PHEX: variants seen among roughly 807,000 people sequenced by gnomAD.
PHEX encodes phosphate regulating endopeptidase X-linked, also known as phosphate-regulating neutral endopeptidase PHEX.
A neutral mutation model predicts 68.0 loss-of-function variants in PHEX; 16 were observed. That is an observed-to-expected ratio of 0.24 (90% CI 0.16 to 0.36). The LOEUF (loss-of-function observed/expected upper bound fraction) is 0.36, where lower values mean the gene tolerates loss of function less well. Ranked by LOEUF, PHEX falls within the 10% of genes least tolerant of loss-of-function variation. The pLI, the probability that PHEX is intolerant of heterozygous loss-of-function variation, is 1.00. For missense variants in PHEX, 480 were observed against 575.5 expected (o/e 0.83, Z 1.70); for synonymous variants, 208 against 205.1 (o/e 1.01, Z -0.12).
chrX:22,173,218 A>T (rs1251649971), intron 13 of PHEX, among the ~76,000 whole-genome samples: 1 of 112,455 alleles, frequency 8.9e-6, no homozygotes, highest in Non-Finnish European at 1.9e-5. Flanking sequence ...ATGGCACTGG[A>T]GAGCTAAGGG....
chrX:22,104,393 G>A (rs1442840480), intron 9 of PHEX, among the ~76,000 whole-genome samples: 1 of 109,862 alleles, frequency 9.1e-6, no homozygotes, highest in Non-Finnish European at 1.9e-5. Flanking sequence ...AGGGACCCTT[G>A]GAGGAATGAG....
chrX:22,112,176 TGC>T (rs1931001473), intron 10 of PHEX, among the ~76,000 whole-genome samples: 2 of 111,107 alleles, frequency 1.8e-5, no homozygotes, highest in Non-Finnish European at 3.8e-5. Flanking sequence ...GATGGGGTCT[TGC>T]CATGTTGCCC....
intron 2 of PHEX, 72 bp from the exon 3 acceptor site, chrX:22,046,978 G>A (rs1305708418): frequency 1.1e-6 from 1 of 923,332 alleles, no homozygotes; most frequent in African/African-American, 1.9e-5. Context: ...TGGAATTGTT[G>A]TTTAATTTGG....
chrX:22,078,784 T>C (rs1214046069), intron 5 of PHEX, among the ~76,000 whole-genome samples: 1 of 112,010 alleles, frequency 8.9e-6, no homozygotes, highest in African/African-American at 3.2e-5. Flanking sequence ...TATGGCGGGC[T>C]GGCCCAGTGG....
chrX:22,139,370 C>T (rs1170049595), intron 12 of PHEX, among the ~76,000 whole-genome samples: 2 of 111,828 alleles, frequency 1.8e-5, no homozygotes, highest in African/African-American at 6.5e-5. Context: ...CATTTCTTTT[C>T]TCTGGATTTT....
At chrX:22,067,260 G>A (rs909256814) in intron 3 of PHEX, among the ~76,000 whole-genome samples, 1 of 109,042 alleles carries the variant, frequency 9.2e-6, no homozygotes, top group South Asian at 4.0e-4. Context: ...AAAAAAGAAA[G>A]AAATACCCTG....
intron 15 of PHEX, among the ~76,000 whole-genome samples, chrX:22,198,096 T>C (rs1265736983): frequency 2.1e-5 from 2 of 94,786 alleles, no homozygotes; most frequent in East Asian, 6.6e-4. Context: ...TAATATACAT[T>C]TATAGTTATA....
chrX:22,162,424 G>A (rs1472035141), intron 12 of PHEX, among the ~76,000 whole-genome samples: 2 of 111,975 alleles, frequency 1.8e-5, no homozygotes, highest in South Asian at 3.8e-4. Flanking sequence ...GGTTTCAGGT[G>A]TTTGGTTAGG....
At chrX:22,059,727 G>A (rs1442779327) in intron 3 of PHEX, among the ~76,000 whole-genome samples, 1 of 111,584 alleles carries the variant, frequency 9.0e-6, no homozygotes, top group Non-Finnish European at 1.9e-5. Flanking sequence ...TAATTCAGGT[G>A]CTTGGAGTGG....
In PHEX at chrX:22,194,057, A is replaced by G. The variant is rs759252362; in HGVS notation, c.1645+3555A>G. On this transcript the variant is annotated intron_variant, in intron 15 of 21. Coordinates refer to ENST00000379374, the MANE Select transcript of PHEX (RefSeq NM_000444.6). ...CTTAAGTGTGTCTAATAATAGTTCC[A>G]TCTCCAGGGTTCACCCCTGCTCAGC... 6.3e-5 allele frequency among the ~76,000 whole-genome samples: 7 copies of G among 111,722 alleles called. No homozygotes were observed. In the East Asian group the frequency reaches 2.0e-3, roughly 31 times the overall value.
chrX:22,071,698 G>C (rs779307493), intron 3 of PHEX, among the ~76,000 whole-genome samples: 4 of 112,790 alleles, frequency 3.5e-5, no homozygotes, highest in Non-Finnish European at 5.6e-5. Flanking sequence ...CATCCCCTTT[G>C]AGGCTAGGCT....
chrX:22,136,565 C>T (rs918660267), intron 12 of PHEX, among the ~76,000 whole-genome samples: 9 of 112,177 alleles, frequency 8.0e-5, no homozygotes, highest in South Asian at 3.7e-4. Context: ...AGAAGCTTTT[C>T]TTTCCCTCAC....
intron 3 of PHEX, among the ~76,000 whole-genome samples, chrX:22,049,522 G>T (rs764380097): frequency 9.0e-6 from 1 of 111,640 alleles, no homozygotes; most frequent in South Asian, 3.7e-4. Flanking sequence ...GAATTATTGG[G>T]TTGAAAGAGT....
At chrX:22,185,591 A>G (rs1403807479) in intron 14 of PHEX, among the ~76,000 whole-genome samples, 1 of 111,347 alleles carries the variant, frequency 9.0e-6, no homozygotes, top group African/African-American at 3.3e-5. Context: ...GATTCAGCCC[A>G]TTGGGTTGGA....
At chrX:22,170,096 A>G (rs1252351288) in intron 13 of PHEX, among the ~76,000 whole-genome samples, 1 of 112,393 alleles carries the variant, frequency 8.9e-6, no homozygotes, top group African/African-American at 3.2e-5. Flanking sequence ...TTTTGGAAAT[A>G]TATCTGTATC....
At chrX:22,034,334 A>G (rs188375332) in intron 1 of PHEX, among the ~76,000 whole-genome samples, 2 of 112,115 alleles carry the variant, frequency 1.8e-5, no homozygotes, top group Non-Finnish European at 3.8e-5. Flanking sequence ...AAAAATCCCA[A>G]TAATTATTGT....
intron 11 of PHEX, among the ~76,000 whole-genome samples, chrX:22,129,852 T>C (rs946936928): frequency 4.4e-4 from 49 of 111,637 alleles, no homozygotes; most frequent in African/African-American, 1.5e-3. Context: ...TAACCCTACC[T>C]CTACTTCTCT....
intron 3 of PHEX, among the ~76,000 whole-genome samples, chrX:22,061,753 C>T (rs1027255300): frequency 9.0e-6 from 1 of 111,643 alleles, no homozygotes; most frequent in Non-Finnish European, 1.9e-5. Context: ...TTGACCTTTA[C>T]TGCCTGGTAA....
intron 3 of PHEX, among the ~76,000 whole-genome samples, chrX:22,057,802 T>G (rs1028276607): frequency 9.0e-6 from 1 of 111,488 alleles, no homozygotes; most frequent in East Asian, 2.8e-4. Flanking sequence ...GCACCAAGCA[T>G]AGTGCCTGCC....
Sources: allele counts gnomAD v4.1 joint callset (sites outside exome capture counted in the v4.1 genomes callset), GRCh38; gene constraint gnomAD v4.1.1; transcripts MANE v1.5; gene names NCBI Gene and HGNC (gene_info 2026-07-23, HGNC 2026-07-21).